GLIS3: variants seen among roughly 807,000 people sequenced by gnomAD.
The protein encoded by GLIS3 is GLIS family zinc finger 3.
A neutral mutation model predicts 78.6 loss-of-function variants in GLIS3; 53 were observed. The ratio of observed to expected loss-of-function variants is 0.67; its 90% CI spans 0.54 to 0.85. The LOEUF (loss-of-function observed/expected upper bound fraction) is 0.85, where lower values mean the gene tolerates loss of function less well. Ranked by LOEUF, GLIS3 falls within the 40% of genes least tolerant of loss-of-function variation. The probability of loss-of-function intolerance (pLI) is 0.00; values close to 1 mark genes in which losing one functional copy is unlikely to be tolerated. For missense variants in GLIS3, 1,703 were observed against 1,231.1 expected (o/e 1.38, Z -5.74); for synonymous variants, 684 against 509.9 (o/e 1.34, Z -4.60).
chr9:4,234,741 A>G (rs754847049), intron 2 of GLIS3, among the ~76,000 whole-genome samples: 2 of 152,246 alleles, frequency 1.3e-5, no homozygotes, highest in Non-Finnish European at 2.9e-5. Flanking sequence ...TGCAAAGTGC[A>G]ATAAACTGAA....
the GLIS3 span, among the ~76,000 whole-genome samples, chr9:4,424,157 A>C: frequency 9.1e-4 from 138 of 152,330 alleles, no homozygotes; most frequent in Non-Finnish European, 1.7e-3. Flanking sequence ...TTCTTTTTTA[A>C]GTGATATTTC....
the GLIS3 span, among the ~76,000 whole-genome samples, chr9:4,397,083 T>A: frequency 7.0e-6 from 1 of 142,516 alleles, no homozygotes; most frequent in African/African-American, 2.7e-5. Context: ...TGGAGTGCAG[T>A]GGCGCGATCT....
At chr9:3,997,432 C>T (rs1283048909) in intron 4 of GLIS3, among the ~76,000 whole-genome samples, 1 of 151,206 alleles carries the variant, frequency 6.6e-6, no homozygotes, top group Non-Finnish European at 1.5e-5. Flanking sequence ...AACAGAAAAG[C>T]TCTAATTTAC....
At chr9:3,976,636 CAG>C (rs1220653168) in intron 4 of GLIS3, among the ~76,000 whole-genome samples, 1 of 151,168 alleles carries the variant, frequency 6.6e-6, no homozygotes, top group Non-Finnish European at 1.5e-5. Context: ...ACATCTCAAT[CAG>C]GCCCAAGAGT....
chr9:4,006,072 G>A (rs1406216483), intron 4 of GLIS3, among the ~76,000 whole-genome samples: 4 of 152,132 alleles, frequency 2.6e-5, no homozygotes, highest in Non-Finnish European at 5.9e-5. Flanking sequence ...ATTATGGGAA[G>A]GAAACACGCA....
chr9:4,453,345 C>CAAAAAAAAAAAAAAAAAAA, the GLIS3 span, among the ~76,000 whole-genome samples: 1 of 91,670 alleles, frequency 1.1e-5, no homozygotes, highest in Non-Finnish European at 2.2e-5. Flanking sequence ...TTCTGCACAG[C>CAAAAAAAAAAAAAAAAAAA]AAAAAAAAAA....
At chr9:4,298,110 G>T (rs1001208648) in intron 1 of GLIS3, among the ~76,000 whole-genome samples, 8 of 152,128 alleles carry the variant, frequency 5.3e-5, no homozygotes, top group African/African-American at 1.9e-4. Context: ...TGTGCAACTC[G>T]CTCCTGAGTG....
At chr9:4,204,009 G>C (rs1324002697) in intron 2 of GLIS3, among the ~76,000 whole-genome samples, 1 of 152,162 alleles carries the variant, frequency 6.6e-6, no homozygotes, top group Non-Finnish European at 1.5e-5. Context: ...GTATATGCTA[G>C]GTACCTGCGT....
the GLIS3 span, among the ~76,000 whole-genome samples, chr9:4,474,323 T>C: frequency 4.6e-5 from 7 of 152,148 alleles, no homozygotes; most frequent in Non-Finnish European, 8.8e-5. Flanking sequence ...CTGGGCAATA[T>C]GGTGAAACCC....
chr9:4,457,587 T>C, the GLIS3 span, among the ~76,000 whole-genome samples: 72 of 151,868 alleles, frequency 4.7e-4, no homozygotes, highest in African/African-American at 1.6e-3. Flanking sequence ...GTGGCTCACA[T>C]CTGTAATCTC....
intron 2 of GLIS3, among the ~76,000 whole-genome samples, chr9:4,246,595 A>G (rs1265674679): frequency 1.3e-5 from 2 of 152,212 alleles, no homozygotes; most frequent in Admixed American, 6.5e-5. Flanking sequence ...ACTGCAGCAA[A>G]GCATTTTCCA....
At chr9:4,137,851 A>G (rs1231603043) in intron 2 of GLIS3, among the ~76,000 whole-genome samples, 1 of 152,256 alleles carries the variant, frequency 6.6e-6, no homozygotes, top group Non-Finnish European at 1.5e-5. Flanking sequence ...ATTAGCCTGG[A>G]AAACCAAAGA....
At chr9:3,989,432 T>G (rs1041472272) in intron 4 of GLIS3, among the ~76,000 whole-genome samples, 4 of 152,220 alleles carry the variant, frequency 2.6e-5, no homozygotes, top group Non-Finnish European at 5.9e-5. Context: ...TAACAAAAAC[T>G]GTTTGCAAAT....
At chr9:4,124,628 T>G (rs1300459002) in intron 3 of GLIS3, among the ~76,000 whole-genome samples, 1 of 152,086 alleles carries the variant, frequency 6.6e-6, no homozygotes, top group Admixed American at 6.6e-5. Context: ...TTCTATCTCA[T>G]GAAAAAATTG....
chr9:4,273,771 C>T (rs894591211), intron 2 of GLIS3, among the ~76,000 whole-genome samples: 4 of 152,116 alleles, frequency 2.6e-5, no homozygotes, highest in Admixed American at 6.5e-5. Context: ...CTCGAAGATT[C>T]TCTGATGCTC....
intron 7 of GLIS3, among the ~76,000 whole-genome samples, chr9:3,893,053 G>C (rs558258136): frequency 6.6e-6 from 1 of 152,188 alleles, no homozygotes; most frequent in African/African-American, 2.4e-5. Flanking sequence ...TCACTGCCCA[G>C]GTATTAAGTC....
chr9:4,364,827 C>T, the GLIS3 span, among the ~76,000 whole-genome samples: 2,103 of 126,808 alleles, frequency 0.017, 62 homozygotes, highest in African/African-American at 0.058. Flanking sequence ...GGCTGAAGCA[C>T]AGCGGCTATT....
At chr9:4,019,194 G>C (rs188498753) in intron 4 of GLIS3, among the ~76,000 whole-genome samples, 3 of 152,184 alleles carry the variant, frequency 2.0e-5, no homozygotes, top group Admixed American at 2.0e-4. Context: ...AAAGATGGAA[G>C]TTCTTATGGA....
chr9:4,236,659 A>C (rs1488368439), intron 2 of GLIS3, among the ~76,000 whole-genome samples: 1 of 152,196 alleles, frequency 6.6e-6, no homozygotes, highest in Non-Finnish European at 1.5e-5. Context: ...ACCGTCAATG[A>C]CAAGGTTCCC....
Sources: allele counts gnomAD v4.1 joint callset (sites outside exome capture counted in the v4.1 genomes callset), GRCh38; gene constraint gnomAD v4.1.1; transcripts MANE v1.5; gene names NCBI Gene and HGNC (gene_info 2026-07-23, HGNC 2026-07-21).